Variants in NT5C3A observed in about 807,000 individuals in gnomAD.
NT5C3A encodes the protein 5'-nucleotidase, cytosolic IIIA, also known as cytosolic 5'-nucleotidase 3A.
A neutral mutation model predicts 40.0 loss-of-function variants in NT5C3A; 23 were observed. The ratio of observed to expected loss-of-function variants is 0.58; its 90% CI spans 0.41 to 0.81. NT5C3A has a LOEUF of 0.81. NT5C3A is among the 40% of genes least tolerant of loss of function. The pLI is 0.00. For missense variants in NT5C3A, 328 were observed against 403.0 expected (o/e 0.81, Z 1.59); for synonymous variants, 130 against 141.4 (o/e 0.92, Z 0.57).
chr7:33,022,765 T>A (rs1785696706), intron 3 of NT5C3A, among the ~76,000 whole-genome samples: 1 of 152,216 alleles, frequency 6.6e-6, no homozygotes, highest in African/African-American at 2.4e-5. Context: ...TTAAACTTTT[T>A]AGGTTGCTTC....
At chr7:33,015,421 G>C (rs1359720347) in intron 8 of NT5C3A, among the ~76,000 whole-genome samples, 2 of 152,106 alleles carry the variant, frequency 1.3e-5, no homozygotes, top group Non-Finnish European at 2.9e-5. Flanking sequence ...AAATCAGCCA[G>C]GTGTAGTGGT....
chr7:33,042,335 A>T (rs1055567676), intron 1 of NT5C3A, among the ~76,000 whole-genome samples: 1 of 152,190 alleles, frequency 6.6e-6, no homozygotes, highest in Admixed American at 6.5e-5. Context: ...TCTCAAAAAA[A>T]ACAAAAAACA....
intron 1 of NT5C3A, among the ~76,000 whole-genome samples, chr7:33,030,960 G>A (rs1375345343): frequency 6.6e-6 from 1 of 151,966 alleles, no homozygotes; most frequent in Non-Finnish European, 1.5e-5. Context: ...TTAGCCAGGC[G>A]AGGTGGCGGG....
chr7:33,033,877 C>CATATATATATATATATATATAT (rs1554291562), intron 1 of NT5C3A, among the ~76,000 whole-genome samples: 5 of 125,962 alleles, frequency 4.0e-5, no homozygotes, highest in Admixed American at 8.1e-5. Context: ...ATATAAAAGA[C>CATATATATATATATATATATAT]ATATATATAT....
chr7:33,019,903 T>C (rs962827522), intron 5 of NT5C3A, among the ~76,000 whole-genome samples, 179 bp from the exon 6 acceptor site: 2 of 152,230 alleles, frequency 1.3e-5, no homozygotes, highest in African/African-American at 2.4e-5. Context: ...GTGATATGCA[T>C]GTTCTTACTG....
rs189381110 is a variant in NT5C3A at position 33,022,866 on chromosome 7, T to C, written c.308-767A>G. On this transcript the variant is annotated intron_variant, in intron 3 of 8. Coordinates refer to ENST00000610140, the MANE Select transcript of NT5C3A (RefSeq NM_001002010.5). ...TTTTTAAAAACTGCATTTGAGATTA[T>C]TAGAAATTCTCCAAAGAGGACTTAA... Among the ~76,000 whole-genome samples, 636 of 152,260 alleles carry C rather than the reference T, an allele frequency of 4.2e-3. 11 individuals carry two copies. In the South Asian group the frequency reaches 0.055, roughly 13 times the overall value.
chr7:33,053,438 G>C (rs984690457), intron 1 of NT5C3A, among the ~76,000 whole-genome samples: 96 of 152,166 alleles, frequency 6.3e-4, no homozygotes, highest in Non-Finnish European at 1.1e-3. Flanking sequence ...TGCCCACCTT[G>C]GCCTCCCAAA....
intron 1 of NT5C3A, among the ~76,000 whole-genome samples, chr7:33,062,255 G>A (rs1247790229): frequency 6.6e-6 from 1 of 152,172 alleles, no homozygotes; most frequent in Non-Finnish European, 1.5e-5. Context: ...GGGTTTTGCA[G>A]CACAAAGTAG....
At position 33,022,451 on chromosome 7, in the gene NT5C3A, AT is replaced by A. The variant is rs569662445; in HGVS notation, c.308-353del. Among the ~76,000 whole-genome samples the A allele has an allele frequency of 2.8e-3, 425 of 152,258 alleles. 2 individuals are homozygous for A. The highest frequency in any genetic ancestry group is 9.9e-3 in the African/African-American group (412 of 41,562). The stretch of plus-strand genomic sequence containing the variant: ...TATAAGAAACACATATGGGAAATAC[AT>A]TTTTTTCGTAATAAAAAGATAATAA... On this transcript the variant is annotated intron_variant, in intron 3 of 8. Transcript: ENST00000610140.
At chr7:33,037,507 T>A (rs1016478634) in intron 1 of NT5C3A, among the ~76,000 whole-genome samples, 1 of 152,228 alleles carries the variant, frequency 6.6e-6, no homozygotes, top group African/African-American at 2.4e-5. Context: ...AGTTGGACAT[T>A]AGATCTGTGT....
chr7:33,028,418 C>T (rs1255632937), intron 1 of NT5C3A, among the ~76,000 whole-genome samples: 4 of 152,174 alleles, frequency 2.6e-5, no homozygotes, highest in Non-Finnish European at 5.9e-5. Flanking sequence ...GCTCTCATAG[C>T]ACATGTACAA....
chr7:33,041,522 A>G (rs1019478334), intron 1 of NT5C3A, among the ~76,000 whole-genome samples: 9 of 152,240 alleles, frequency 5.9e-5, no homozygotes, highest in Non-Finnish European at 1.3e-4. Context: ...CTTAAAGTCC[A>G]TAAACAAAAA....
At chr7:33,034,147 T>A (rs1786452467) in intron 1 of NT5C3A, among the ~76,000 whole-genome samples, 1 of 152,020 alleles carries the variant, frequency 6.6e-6, no homozygotes, top group Non-Finnish European at 1.5e-5. Flanking sequence ...CACCTCGGCC[T>A]CTCAAAGTGC....
intron 1 of NT5C3A, among the ~76,000 whole-genome samples, chr7:33,062,234 T>G (rs1787806996): frequency 6.6e-6 from 1 of 152,164 alleles, no homozygotes; most frequent in African/African-American, 2.4e-5. Context: ...GCAGCTTATC[T>G]CTAGAGAAAC....
intron 1 of NT5C3A, among the ~76,000 whole-genome samples, chr7:33,059,722 T>C (rs1787704863): frequency 6.6e-6 from 1 of 152,216 alleles, no homozygotes; most frequent in Non-Finnish European, 1.5e-5. Flanking sequence ...AAAAACTAGA[T>C]TCAAAACTAG....
At chr7:33,017,927 C>T (rs1785426457) in intron 6 of NT5C3A, among the ~76,000 whole-genome samples, 1 of 152,216 alleles carries the variant, frequency 6.6e-6, no homozygotes, top group Admixed American at 6.5e-5. Flanking sequence ...TGCCTATAGT[C>T]CCAGCTATTT....
chr7:33,058,904 CATT>C (rs897154954), intron 1 of NT5C3A, among the ~76,000 whole-genome samples: 2 of 152,198 alleles, frequency 1.3e-5, no homozygotes, highest in African/African-American at 2.4e-5. Flanking sequence ...GTCTTCACAT[CATT>C]GTTTTACCAA....
At chr7:33,028,268 T>A (rs2392211) in intron 1 of NT5C3A, among the ~76,000 whole-genome samples, 117,691 of 152,200 alleles carry the variant, frequency 0.77, 46,060 homozygotes, top group African/African-American at 0.9. Flanking sequence ...AGACCCATCT[T>A]AAAAAATGGG....
intron 1 of NT5C3A, among the ~76,000 whole-genome samples, chr7:33,059,637 CAATT>C (rs1298638779): frequency 6.6e-6 from 1 of 152,110 alleles, no homozygotes; most frequent in Non-Finnish European, 1.5e-5. Flanking sequence ...CATTATCTCC[CAATT>C]AATAGATGAA....
Sources: allele counts gnomAD v4.1 joint callset (sites outside exome capture counted in the v4.1 genomes callset), GRCh38; gene constraint gnomAD v4.1.1; transcripts MANE v1.5; gene names NCBI Gene and HGNC (gene_info 2026-07-23, HGNC 2026-07-21).